Variants in MECOM observed in about 807,000 individuals in gnomAD.
MECOM encodes the protein histone-lysine N-methyltransferase MECOM.
In MECOM, 13 loss-of-function variants were observed where a neutral mutation model predicts 116.3. The observed-to-expected ratio is 0.11, with a 90% confidence interval of 0.07 to 0.18. The LOEUF is 0.18. MECOM is among the 10% of genes least tolerant of loss of function. The pLI, the probability that MECOM is intolerant of heterozygous loss-of-function variation, is 1.00. For synonymous variants in MECOM, 528 were observed against 535.2 expected (o/e 0.99, Z 0.19); for missense variants, 1,299 against 1,509.0 (o/e 0.86, Z 2.31).
At chr3:169,413,386 T>C (rs548825834) in intron 1 of MECOM, among the ~76,000 whole-genome samples, 1 of 151,936 alleles carries the variant, frequency 6.6e-6, no homozygotes, top group East Asian at 1.9e-4. Flanking sequence ...ATCAGGTACC[T>C]ACACCACAAG....
chr3:169,392,609 A>G (rs1734391212), intron 1 of MECOM, among the ~76,000 whole-genome samples: 2 of 152,184 alleles, frequency 1.3e-5, no homozygotes, highest in South Asian at 2.1e-4. Context: ...CTTAAAGTTC[A>G]GTAGTGAAGA....
intron 2 of MECOM, among the ~76,000 whole-genome samples, chr3:169,218,479 C>A (rs1751695337): frequency 6.6e-6 from 1 of 152,062 alleles, no homozygotes; most frequent in Non-Finnish European, 1.5e-5. Flanking sequence ...GGAAGTGATG[C>A]CAGGGATCAC....
chr3:169,131,912 T>G (rs1302289284), intron 3 of MECOM: 1 of 1,010,138 alleles, frequency 9.9e-7, no homozygotes, highest in Non-Finnish European at 1.2e-6. Flanking sequence ...CTGCCTGGAA[T>G]TCTCCAGCAG....
chr3:169,149,932 T>A (rs112769945), intron 2 of MECOM, among the ~76,000 whole-genome samples: 30 of 113,696 alleles, frequency 2.6e-4, no homozygotes, highest in African/African-American at 8.4e-4. Context: ...TCTTTCTCTC[T>A]CTCTGTGTGT....
intron 1 of MECOM, among the ~76,000 whole-genome samples, chr3:169,596,601 C>T (rs947216409): frequency 6.6e-6 from 1 of 152,142 alleles, no homozygotes; most frequent in Non-Finnish European, 1.5e-5. Context: ...ATTTCCATGA[C>T]TGTACACAGA....
At chr3:169,308,963 TA>T (rs1718240011) in intron 2 of MECOM, among the ~76,000 whole-genome samples, 1 of 152,126 alleles carries the variant, frequency 6.6e-6, no homozygotes, top group African/African-American at 2.4e-5. Flanking sequence ...ATTCCACCAC[TA>T]AGGTTTAACT....
At chr3:169,477,126 TATATATATATATATATATATATACAC>T (rs1560326993) in intron 1 of MECOM, 2 of 90,538 alleles carry the variant, frequency 2.2e-5, no homozygotes, top group African/African-American at 9.8e-5. Flanking sequence ...TATATATATA[TATATATATATATATATATATATACAC>T]ACACACACAA....
chr3:169,631,306 C>T (rs768113410), intron 1 of MECOM, among the ~76,000 whole-genome samples: 1 of 152,158 alleles, frequency 6.6e-6, no homozygotes, highest in Non-Finnish European at 1.5e-5. Context: ...TCTAAAAGAA[C>T]AGTTCAAATG....
At chr3:169,424,829 C>G (rs778434840) in intron 1 of MECOM, among the ~76,000 whole-genome samples, 54 of 152,216 alleles carry the variant, frequency 3.5e-4, no homozygotes, top group Middle Eastern at 6.8e-3. Flanking sequence ...TTCTAACTAT[C>G]TGATTCATTT....
chr3:169,556,414 G>C (rs1425402505), intron 1 of MECOM, among the ~76,000 whole-genome samples: 1 of 152,088 alleles, frequency 6.6e-6, no homozygotes, highest in African/African-American at 2.4e-5. Flanking sequence ...AAGTAAAGGG[G>C]AACCAAATTT....
intron 1 of MECOM, among the ~76,000 whole-genome samples, chr3:169,465,684 T>A (rs926976738): frequency 2.6e-5 from 4 of 152,002 alleles, no homozygotes; most frequent in African/African-American, 4.8e-5. Context: ...TTAATTTATC[T>A]TTCACATTTT....
intron 3 of MECOM, among the ~76,000 whole-genome samples, chr3:169,133,625 C>T (rs1033891152): frequency 2.0e-5 from 3 of 152,022 alleles, no homozygotes; most frequent in Non-Finnish European, 4.4e-5. Context: ...AGAATCCAGA[C>T]TAACTTGGCA....
intron 2 of MECOM, chr3:169,147,317 G>T: frequency 1.0e-6 from 1 of 985,556 alleles, no homozygotes. Flanking sequence ...CGCGGGTCCT[G>T]GACCCTCACG....
rs756700169 is a variant in MECOM at position 169,093,015 on chromosome 3, C to T, written c.3107G>A (p.Arg1036Gln). 6.2e-6 allele frequency: 10 copies of T among 1,613,676 alleles called. No homozygotes were observed. Among genetic ancestry groups the T allele is most frequent in the African/African-American group, 4.0e-5 (3 of 74,878 alleles). ...ATGGTTGCTGTTCCCAATGAAATTT[C>T]GAATTTCTGTGAAGTAAGCATCTTC... is the stretch of plus-strand genomic sequence containing the variant. ...DKEDAYFTEI[R>Q]NFIGNSNHGS... The change falls in exon 14 of 17, where the codon CGA becomes CAA. Residue 1036 changes from arginine (R) to glutamine (Q), a missense_variant. Around this residue, in one of 6 missense-constraint regions of MECOM, gnomAD observed 273 missense variants for 289.3 expected, o/e 0.94. Transcript: ENST00000651503.
intron 2 of MECOM, among the ~76,000 whole-genome samples, chr3:169,280,147 C>A (rs1381474045): frequency 1.3e-5 from 2 of 152,122 alleles, no homozygotes; most frequent in Non-Finnish European, 2.9e-5. Flanking sequence ...TGGAACATGC[C>A]ACGGGATGAG....
chr3:169,557,662 G>T (rs1762193898), intron 1 of MECOM, among the ~76,000 whole-genome samples: 1 of 152,184 alleles, frequency 6.6e-6, no homozygotes, highest in African/African-American at 2.4e-5. Context: ...TAAACCATTT[G>T]CATATCACTA....
At chr3:169,179,590 G>GT (rs1461527431) in intron 2 of MECOM, among the ~76,000 whole-genome samples, 2 of 152,124 alleles carry the variant, frequency 1.3e-5, no homozygotes, top group African/African-American at 4.8e-5. Context: ...AAACAAGAAT[G>GT]TAACAATAGG....
At chr3:169,291,969 T>C (rs1417467395) in intron 2 of MECOM, among the ~76,000 whole-genome samples, 1 of 152,214 alleles carries the variant, frequency 6.6e-6, no homozygotes, top group Non-Finnish European at 1.5e-5. Context: ...ATTTTAAAAT[T>C]TATTGTCTAC....
intron 2 of MECOM, among the ~76,000 whole-genome samples, chr3:169,160,243 C>T (rs1431943727): frequency 1.3e-5 from 2 of 151,736 alleles, no homozygotes; most frequent in African/African-American, 2.4e-5. Flanking sequence ...AACACTAAGC[C>T]AGGAATTGCA....
Sources: allele counts gnomAD v4.1 joint callset (sites outside exome capture counted in the v4.1 genomes callset), GRCh38; gene constraint gnomAD v4.1.1; regional missense constraint gnomAD v4.1.1; transcripts MANE v1.5; gene names NCBI Gene and HGNC (gene_info 2026-07-23, HGNC 2026-07-21).